THRB: variants seen among roughly 807,000 people sequenced by gnomAD.
THRB encodes nuclear receptor subfamily 1 group A member 2.
Under a neutral mutation model 47.8 loss-of-function variants are expected in THRB, and 12 were observed. The ratio of observed to expected loss-of-function variants is 0.25; its 90% CI spans 0.16 to 0.41. The LOEUF is 0.41. THRB is among the 10% of genes least tolerant of loss of function. THRB has a pLI of 1.00. For missense variants in THRB, 348 were observed against 589.2 expected, an observed-to-expected ratio of 0.59 and a Z score of 4.24; for synonymous variants, 218 against 212.2, an observed-to-expected ratio of 1.03 and a Z score of -0.24.
At chr3:24,481,191 C>T (rs1696302674) in intron 1 of THRB, among the ~76,000 whole-genome samples, 1 of 129,344 alleles carries the variant, frequency 7.7e-6, no homozygotes, top group Non-Finnish European at 1.6e-5. Context: ...AGAAGATCGT[C>T]TATCTCAGTT....
Position 24,169,976 on chromosome 3 carries a change from C to A in THRB, c.284-17486G>T, listed in dbSNP as rs996969160. On this transcript the variant is annotated intron_variant, in intron 5 of 10. Coordinates refer to ENST00000646209, the MANE Select transcript of THRB (RefSeq NM_001354712.2). Reference sequence around the variant, plus strand: ...AAAAGTTTGCCAAGCCCTGCTCTAGCTGATCTCATCCTGTCTCACAGCTTT... The same window carrying A: ...AAAAGTTTGCCAAGCCCTGCTCTAGATGATCTCATCCTGTCTCACAGCTTT... Among the ~76,000 whole-genome samples, 3 of 149,682 alleles carry A rather than the reference C, an allele frequency of 2.0e-5. No individual in the cohort carries two copies. The East Asian group carries it at 5.9e-4, about 29-fold the overall frequency.
At chr3:24,481,568 G>A (rs1309349325) in intron 1 of THRB, among the ~76,000 whole-genome samples, 2 of 152,046 alleles carry the variant, frequency 1.3e-5, no homozygotes, top group African/African-American at 4.8e-5. Context: ...CAAATAAGGG[G>A]TGTGGACACT....
intron 4 of THRB, among the ~76,000 whole-genome samples, chr3:24,219,974 C>T (rs1217544081): frequency 2.6e-5 from 4 of 152,220 alleles, no homozygotes; most frequent in Admixed American, 1.3e-4. Context: ...TTTCACCTTA[C>T]ACCAATTAAT....
chr3:24,486,536 T>C (rs1385581764), intron 1 of THRB: 1 of 152,222 alleles, frequency 6.6e-6, no homozygotes, highest in Non-Finnish European at 1.5e-5. Flanking sequence ...ATATTCTTAA[T>C]CAATGATACA....
intron 3 of THRB, among the ~76,000 whole-genome samples, chr3:24,274,789 C>A (rs767443118): frequency 6.6e-6 from 1 of 152,120 alleles, no homozygotes; most frequent in Non-Finnish European, 1.5e-5. Context: ...TTAAGAAACA[C>A]TGAGCCTAAT....
intron 8 of THRB, among the ~76,000 whole-genome samples, chr3:24,135,951 C>A (rs973849555): frequency 6.6e-6 from 1 of 150,520 alleles, no homozygotes; most frequent in Admixed American, 6.6e-5. Flanking sequence ...ATTGTTTTGG[C>A]CTGGCTGAAT....
chr3:24,386,735 CTTCAGGCAACCTGG>C (rs2066150078), intron 1 of THRB, among the ~76,000 whole-genome samples: 1 of 152,124 alleles, frequency 6.6e-6, no homozygotes, highest in Non-Finnish European at 1.5e-5. Context: ...CAGAATTTGG[CTTCAGGCAACCTGG>C]TTCAAATCCA....
chr3:24,391,480 A>G (rs2149980395), intron 1 of THRB, among the ~76,000 whole-genome samples: 1 of 152,234 alleles, frequency 6.6e-6, no homozygotes, highest in Admixed American at 6.5e-5. Flanking sequence ...TAGTTTTGAA[A>G]CTAGAATCTT....
intron 1 of THRB, among the ~76,000 whole-genome samples, chr3:24,356,303 ACCGGACAGTC>A (rs2063669374): frequency 2.6e-5 from 4 of 152,120 alleles, no homozygotes; most frequent in Admixed American, 2.6e-4. Flanking sequence ...CAAAGGTTCC[ACCGGACAGTC>A]CTAGACCCAA....
intron 3 of THRB, among the ~76,000 whole-genome samples, chr3:24,261,677 T>A (rs751119583): frequency 3.3e-4 from 50 of 152,116 alleles, no homozygotes; most frequent in Non-Finnish European, 5.3e-4. Flanking sequence ...CTCTCCCCAC[T>A]CTTCAAAACT....
chr3:24,211,671 T>C (rs1048440470), intron 4 of THRB, among the ~76,000 whole-genome samples: 4 of 152,124 alleles, frequency 2.6e-5, no homozygotes, highest in African/African-American at 7.2e-5. Context: ...AAACTGAAGA[T>C]TGTATTCTTT....
At chr3:24,397,716 G>C (rs1210331173) in intron 1 of THRB, among the ~76,000 whole-genome samples, 1 of 150,104 alleles carries the variant, frequency 6.7e-6, no homozygotes, top group African/African-American at 2.5e-5. Flanking sequence ...CCAAGTAGTT[G>C]AGATTACAGG....
At chr3:24,235,741 A>C (rs531799557) in intron 3 of THRB, among the ~76,000 whole-genome samples, 1 of 152,246 alleles carries the variant, frequency 6.6e-6, no homozygotes, top group East Asian at 1.9e-4. Flanking sequence ...CCTTCAGAGA[A>C]GGACATATCC....
chr3:24,178,587 T>A (rs185493802), intron 5 of THRB, among the ~76,000 whole-genome samples: 5 of 152,282 alleles, frequency 3.3e-5, no homozygotes, highest in Middle Eastern at 3.4e-3. Flanking sequence ...TCTTCAATGG[T>A]GTGAACGACA....
intron 1 of THRB, among the ~76,000 whole-genome samples, chr3:24,487,178 A>C (rs531915299): frequency 1.3e-5 from 2 of 152,292 alleles, no homozygotes; most frequent in East Asian, 3.9e-4. Context: ...GTGAAAAAGC[A>C]AAAAGGTTCT....
rs1389499119 is a variant in THRB at position 24,390,712 on chromosome 3, G to A, written c.-260-53341C>T. Among the ~76,000 whole-genome samples, 8 of 150,070 alleles carry A rather than the reference G, an allele frequency of 5.3e-5. No homozygotes were observed. In the East Asian group the frequency reaches 1.6e-3, roughly 29 times the overall value. On this transcript the variant is annotated intron_variant, in intron 1 of 10. Transcript: ENST00000646209. ...GTTATTGTAGTCAGCTCAGACTTAA[G>A]ACCAACACAGCTGTTTTCTTTTTAG... is the stretch of plus-strand genomic sequence containing the variant.
intron 1 of THRB, among the ~76,000 whole-genome samples, chr3:24,478,730 A>G (rs1484567395): frequency 6.6e-6 from 1 of 152,106 alleles, no homozygotes; most frequent in Non-Finnish European, 1.5e-5. Flanking sequence ...AAAATGTTCC[A>G]ATTTTCCGGA....
At chr3:24,289,263 A>G (rs896037700) in intron 3 of THRB, among the ~76,000 whole-genome samples, 1 of 152,252 alleles carries the variant, frequency 6.6e-6, no homozygotes, top group African/African-American at 2.4e-5. Context: ...CAACTTCACT[A>G]TGAGAAAGAT....
Position 24,386,010 on chromosome 3 carries a change from T to G in THRB, c.-260-48639A>C, listed in dbSNP as rs1452720571. Among the ~76,000 whole-genome samples the G allele has an allele frequency of 5.3e-5, 8 of 152,270 alleles. No homozygotes were observed. The East Asian group carries it at 1.4e-3, about 26-fold the overall frequency. On this transcript the variant is annotated intron_variant, in intron 1 of 10. Coordinates refer to ENST00000646209, the MANE Select transcript of THRB (RefSeq NM_001354712.2). Reference sequence around the variant, plus strand: ...ACTTCCTTTATCCTCTATTTAAATGTGTACTTTCATACTTGTCAGCCTACA... The same window carrying G: ...ACTTCCTTTATCCTCTATTTAAATGGGTACTTTCATACTTGTCAGCCTACA...
Sources: allele counts gnomAD v4.1 joint callset (sites outside exome capture counted in the v4.1 genomes callset), GRCh38; gene constraint gnomAD v4.1.1; transcripts MANE v1.5; gene names NCBI Gene and HGNC (gene_info 2026-07-23, HGNC 2026-07-21).